The following CAMK2D variants were observed in gnomAD, a reference collection of about 807,000 sequenced individuals.
CAMK2D encodes the protein calcium/calmodulin-dependent protein kinase type II subunit delta.
In CAMK2D, 37 loss-of-function variants were observed where a neutral mutation model predicts 84.0. That is an observed-to-expected ratio of 0.44 (90% CI 0.34 to 0.58). The LOEUF is 0.58. Among genes scored for constraint, CAMK2D ranks in the 20% least tolerant of loss-of-function variants. The pLI is 0.02. For missense variants in CAMK2D, 448 were observed against 652.5 expected, an observed-to-expected ratio of 0.69 and a Z score of 3.41; for synonymous variants, 202 against 212.5, an observed-to-expected ratio of 0.95 and a Z score of 0.43.
At chr4:113,470,568 G>A (rs2097535107) in intron 16 of CAMK2D, among the ~76,000 whole-genome samples, 1 of 151,852 alleles carries the variant, frequency 6.6e-6, no homozygotes, top group South Asian at 2.1e-4. Flanking sequence ...AACCCGGTAG[G>A]TGGAGGTTGC....
At chr4:113,629,811 A>AG (rs11424076) in intron 3 of CAMK2D, among the ~76,000 whole-genome samples, 43,600 of 149,936 alleles carry the variant, frequency 0.29, 8,620 homozygotes, top group African/African-American at 0.54. Flanking sequence ...ATAGAAAGGG[A>AG]GGAAAAACAA....
At chr4:113,696,127 T>TC (rs910467358) in intron 2 of CAMK2D, among the ~76,000 whole-genome samples, 2 of 151,298 alleles carry the variant, frequency 1.3e-5, no homozygotes, top group Admixed American at 1.3e-4. Flanking sequence ...CTAAGGGAGG[T>TC]CTTTGCTAAG....
At chr4:113,541,888 A>C (rs929128648) in intron 6 of CAMK2D, among the ~76,000 whole-genome samples, 46 of 152,208 alleles carry the variant, frequency 3.0e-4, no homozygotes, top group Non-Finnish European at 5.9e-5. Context: ...TGTCAAGCTC[A>C]CTTGTCTCAT....
chr4:113,503,032 T>C (rs1156628714), intron 14 of CAMK2D, 55 bp from the exon 15 acceptor site: 13 of 1,277,732 alleles, frequency 1.0e-5, no homozygotes, highest in Non-Finnish European at 1.5e-5. Context: ...GTACATTCTT[T>C]CTAGTGTGAA....
chr4:113,452,453 T>C lies in CAMK2D; in HGVS notation c.*2092A>G, dbSNP rs967674799. 1.3e-5 allele frequency: 2 copies of C among 152,704 alleles called. No individual in the cohort carries two copies. The highest frequency in any genetic ancestry group is 4.8e-5 in the African/African-American group (2 of 41,570). The allele number at this position is 152,704 out of a possible 1,614,324, so 9.5% of individuals were successfully genotyped here. A position where few individuals can be genotyped will look rare whatever the true frequency, so the allele number is the denominator to read the frequency against. On this transcript the variant is annotated 3_prime_UTR_variant, in exon 21 of 21. Transcript: ENST00000511664. ...ACAAATTTATTAACTCTTAAATATA[T>C]CAATCAGTCCTTTACCATTATGGCA... is the stretch of plus-strand genomic sequence containing the variant.
At position 113,761,057 on chromosome 4, in the gene CAMK2D, G is replaced by A; in HGVS notation, c.12C>T (p.Thr4=). ...CGTCCGTGAACCTGGTGCAGGTTGT[G>A]GTCGAAGCCATCCTCGGTCCGGGCT... MAS[T]TTCTRFTDEY... Residue 4 remains threonine (T), a synonymous_variant, in exon 1 of 21, where the codon ACC becomes ACT. Coordinates refer to ENST00000511664, the MANE Select transcript of CAMK2D (RefSeq NM_001321571.2). The A allele has an allele frequency of 1.2e-6, 2 of 1,614,188 alleles. No individual in the cohort carries two copies. The highest frequency in any genetic ancestry group is 1.7e-6 in the Non-Finnish European group (2 of 1,180,022).
chr4:113,642,514 A>T (rs1466862664), intron 3 of CAMK2D, among the ~76,000 whole-genome samples: 1 of 152,206 alleles, frequency 6.6e-6, no homozygotes, highest in Non-Finnish European at 1.5e-5. Context: ...TGTCATCAGA[A>T]GTGGACAGAT....
chr4:113,566,751 A>T (rs942201574), intron 4 of CAMK2D, among the ~76,000 whole-genome samples: 1 of 152,136 alleles, frequency 6.6e-6, no homozygotes, highest in African/African-American at 2.4e-5. Context: ...CTACTCACAG[A>T]TCTTCTCAAC....
chr4:113,578,258 C>G (rs2098793074), intron 4 of CAMK2D, among the ~76,000 whole-genome samples: 1 of 152,104 alleles, frequency 6.6e-6, no homozygotes, highest in East Asian at 1.9e-4. Flanking sequence ...ATTCAAGTAT[C>G]CTGGGACTCT....
chr4:113,497,733 C>A (rs926334755), intron 16 of CAMK2D, among the ~76,000 whole-genome samples: 12 of 152,194 alleles, frequency 7.9e-5, no homozygotes, highest in African/African-American at 2.7e-4. Context: ...AGAATGTGCA[C>A]TGCCTTGGTA....
chr4:113,603,088 T>C (rs928814389), intron 4 of CAMK2D, among the ~76,000 whole-genome samples: 2 of 152,064 alleles, frequency 1.3e-5, no homozygotes, highest in African/African-American at 2.4e-5. Context: ...GCCCTCCTTG[T>C]TCTCCAGAGC....
At chr4:113,733,060 G>C (rs115333787) in intron 2 of CAMK2D, among the ~76,000 whole-genome samples, 2 of 152,266 alleles carry the variant, frequency 1.3e-5, no homozygotes, top group Non-Finnish European at 2.9e-5. Context: ...GGCCCCTGGA[G>C]AAGTTTTGAA....
At chr4:113,749,235 G>A (rs945633313) in intron 2 of CAMK2D, among the ~76,000 whole-genome samples, 2 of 151,812 alleles carry the variant, frequency 1.3e-5, no homozygotes, top group African/African-American at 2.4e-5. Context: ...TATTAGCACT[G>A]TAAAGCTATA....
intron 4 of CAMK2D, among the ~76,000 whole-genome samples, chr4:113,582,416 G>A (rs1383611516): frequency 6.6e-6 from 1 of 152,110 alleles, no homozygotes; most frequent in Non-Finnish European, 1.5e-5. Flanking sequence ...CACTCTTTTT[G>A]GTGTATAGTT....
chr4:113,746,692 C>G (rs2099604861), intron 2 of CAMK2D, among the ~76,000 whole-genome samples: 1 of 152,018 alleles, frequency 6.6e-6, no homozygotes, highest in South Asian at 2.1e-4. Flanking sequence ...AAAAGTAGGT[C>G]TCAATCCTAT....
intron 2 of CAMK2D, among the ~76,000 whole-genome samples, chr4:113,729,408 G>C (rs942049103): frequency 1.3e-5 from 2 of 152,146 alleles, no homozygotes; most frequent in Non-Finnish European, 2.9e-5. Flanking sequence ...CCCTCACTAA[G>C]TGAACATGAA....
intron 2 of CAMK2D, among the ~76,000 whole-genome samples, chr4:113,722,217 A>C (rs1021365613): frequency 6.6e-6 from 1 of 152,172 alleles, no homozygotes; most frequent in South Asian, 2.1e-4. Flanking sequence ...AACAACTAAA[A>C]GGTGAAAATA....
chr4:113,717,722 G>A (rs532600677), intron 2 of CAMK2D, among the ~76,000 whole-genome samples: 7 of 152,004 alleles, frequency 4.6e-5, no homozygotes, highest in South Asian at 2.1e-4. Context: ...AGAATTGTTC[G>A]TATGCTTAAC....
In CAMK2D at chr4:113,747,338, G is replaced by A. The variant is rs148986313; in HGVS notation, c.160+11982C>T. Among the ~76,000 whole-genome samples, 339 of 143,234 alleles carry A rather than the reference G, an allele frequency of 2.4e-3. 1 individual carries two copies. The highest frequency in any genetic ancestry group is 8.2e-3 in the African/African-American group (320 of 38,988). The allele number at this position is 143,234 out of a possible 152,430, so 94.0% of individuals were successfully genotyped here. ...TTTTTTTAAATTCAATAGGAAAAGC[G>A]TATGCAAATCTTACTGCTAAAAGTT... is the stretch of plus-strand genomic sequence containing the variant. On this transcript the variant is annotated intron_variant, in intron 2 of 20. Transcript: ENST00000511664.
Sources: gnomAD v4.1 joint callset for allele counts (sites outside exome capture counted in the v4.1 genomes callset) on GRCh38, gnomAD v4.1.1 for gene constraint, MANE v1.5 for transcripts, NCBI Gene and HGNC (gene_info 2026-07-23, HGNC 2026-07-21) for gene names.